KAZN: variants seen among roughly 807,000 people sequenced by gnomAD.
KAZN encodes kazrin, periplakin interacting protein.
In KAZN, 40 loss-of-function variants were observed where a neutral mutation model predicts 87.4. That is an observed-to-expected ratio of 0.46 (90% CI 0.36 to 0.60). KAZN has a LOEUF of 0.60. Among genes scored for constraint, KAZN ranks in the 20% least tolerant of loss-of-function variants. The probability of loss-of-function intolerance (pLI) is 0.00; values close to 1 mark genes in which losing one functional copy is unlikely to be tolerated. For synonymous variants in KAZN, 466 were observed against 458.3 expected, an observed-to-expected ratio of 1.02 and a Z score of -0.22; for missense variants, 898 against 1,073.9, an observed-to-expected ratio of 0.84 and a Z score of 2.29.
intron 2 of KAZN, among the ~76,000 whole-genome samples, chr1:14,991,503 C>T (rs1404167301): frequency 7.2e-5 from 11 of 152,204 alleles, no homozygotes; most frequent in Non-Finnish European, 1.5e-5. Flanking sequence ...TCTTCCGTGT[C>T]CTTCCTAGGA....
intron 1 of KAZN, among the ~76,000 whole-genome samples, chr1:14,634,695 C>T (rs2148664748): frequency 6.6e-6 from 1 of 152,218 alleles, no homozygotes; most frequent in East Asian, 1.9e-4. Context: ...CTTCTGAGAG[C>T]TCATGGTAGG....
intron 1 of KAZN, among the ~76,000 whole-genome samples, chr1:14,658,254 T>G (rs1165560742): frequency 6.6e-6 from 1 of 152,192 alleles, no homozygotes; most frequent in African/African-American, 2.4e-5. Context: ...TTTTTCAAAT[T>G]CTCAGTGCCT....
At chr1:14,834,219 A>G (rs939109339) in intron 1 of KAZN, among the ~76,000 whole-genome samples, 1 of 151,930 alleles carries the variant, frequency 6.6e-6, no homozygotes, top group Non-Finnish European at 1.5e-5. Context: ...TATTTTTAGT[A>G]GAGATGGGGT....
chr1:14,564,523 A>G (rs1456866609), intron 2 of KAZN, among the ~76,000 whole-genome samples: 1 of 152,100 alleles, frequency 6.6e-6, no homozygotes, highest in Non-Finnish European at 1.5e-5. Flanking sequence ...GTTAAATGCC[A>G]TAAAAGCCAC....
At chr1:14,296,065 G>C (rs1571243970) in intron 2 of KAZN, among the ~76,000 whole-genome samples, 1 of 152,242 alleles carries the variant, frequency 6.6e-6, no homozygotes, top group South Asian at 2.1e-4. Flanking sequence ...GTTGCCATAA[G>C]GATTAAATGA....
chr1:14,492,505 A>G, intron 2 of KAZN, among the ~76,000 whole-genome samples: 1 of 151,230 alleles, frequency 6.6e-6, no homozygotes, highest in Admixed American at 6.6e-5. Context: ...CTTCTGTTCT[A>G]CAGAGGTGGG....
At chr1:13,940,433 C>G (rs1032260479) in intron 1 of KAZN, among the ~76,000 whole-genome samples, 9 of 152,108 alleles carry the variant, frequency 5.9e-5, no homozygotes, top group Admixed American at 2.0e-4. Context: ...CATAGAGATG[C>G]TCATAGTAGT....
At chr1:14,679,403 T>A (rs982492832) in intron 1 of KAZN, among the ~76,000 whole-genome samples, 2 of 152,050 alleles carry the variant, frequency 1.3e-5, no homozygotes, top group Admixed American at 1.3e-4. Context: ...TTTTGTTGAA[T>A]GCCTGGCCCT....
intron 1 of KAZN, among the ~76,000 whole-genome samples, chr1:14,833,487 T>C (rs983280889): frequency 6.6e-6 from 1 of 152,082 alleles, no homozygotes; most frequent in Admixed American, 6.5e-5. Context: ...ACCACAAGGG[T>C]TCAATCCTGC....
Position 14,692,145 on chromosome 1 carries a change from G to A in KAZN, c.226+92922G>A, listed in dbSNP as rs568236407. 2.3e-4 allele frequency: 78 copies of A among 332,290 alleles called. No homozygotes were observed. The Admixed American group carries it at 2.4e-3, about 10-fold the overall frequency. 20.6% of individuals were successfully genotyped at this position (332,290 alleles called of 1,614,324 possible). A position where few individuals can be genotyped will look rare whatever the true frequency, so the allele number is the denominator to read the frequency against. ...AAAGTTTCAGGCTTCTAGCTTCACCGAATCTAGTACTAAATGTGCTTCTTT... is the reference window on the plus strand; with the variant it reads ...AAAGTTTCAGGCTTCTAGCTTCACCAAATCTAGTACTAAATGTGCTTCTTT... On this transcript the variant is annotated intron_variant, in intron 1 of 14. Transcript: ENST00000376030.
At chr1:14,196,331 C>T (rs980254915) in intron 2 of KAZN, among the ~76,000 whole-genome samples, 1 of 152,112 alleles carries the variant, frequency 6.6e-6, no homozygotes, top group Non-Finnish European at 1.5e-5. Context: ...AAAGAGTAAC[C>T]TGTACAATAG....
intron 1 of KAZN, among the ~76,000 whole-genome samples, chr1:14,657,268 AGACGG>A (rs1638862280): frequency 1.3e-5 from 2 of 152,094 alleles, no homozygotes; most frequent in South Asian, 2.1e-4. Context: ...TTTTTAGTAG[AGACGG>A]GGTTTCTCCA....
At chr1:15,057,870 C>CTGGTCA (rs770010353) in intron 5 of KAZN, among the ~76,000 whole-genome samples, 1 of 152,212 alleles carries the variant, frequency 6.6e-6, no homozygotes, top group Non-Finnish European at 1.5e-5. Context: ...CAGCAGACTC[C>CTGGTCA]TGGTCATCCT....
At chr1:14,193,157 C>T (rs1167057266) in intron 2 of KAZN, among the ~76,000 whole-genome samples, 1 of 152,154 alleles carries the variant, frequency 6.6e-6, no homozygotes, top group African/African-American at 2.4e-5. Flanking sequence ...CTTGCTTCCG[C>T]TTCACCTTCC....
chr1:14,870,385 C>T (rs974827922), intron 1 of KAZN, among the ~76,000 whole-genome samples: 1 of 152,190 alleles, frequency 6.6e-6, no homozygotes, highest in South Asian at 2.1e-4. Flanking sequence ...CTCTGTCGCC[C>T]AGGCTGGAGT....
At chr1:15,037,979 C>T (rs759128106) in intron 3 of KAZN, among the ~76,000 whole-genome samples, 2 of 151,874 alleles carry the variant, frequency 1.3e-5, no homozygotes, top group South Asian at 2.1e-4. Flanking sequence ...CAGCCAGTTA[C>T]GGTGGCTCAC....
chr1:14,577,961 A>G (rs1264373787), intron 2 of KAZN, among the ~76,000 whole-genome samples: 6 of 152,038 alleles, frequency 3.9e-5, no homozygotes, highest in Non-Finnish European at 2.9e-5. Flanking sequence ...CTGTGTTCAA[A>G]CTTCCCCTCT....
rs146262680 is a variant in KAZN, at chr1:14,337,110, A to G, written c.249+156518A>G. Among the ~76,000 whole-genome samples the G allele has an allele frequency of 4.9e-3, 749 of 152,362 alleles. 7 individuals are homozygous for G. Among genetic ancestry groups the G allele is most frequent in the African/African-American group, 0.016 (683 of 41,582 alleles). ...TAGCAGCTTCACTGGTTGTTAGACA[A>G]TTTAAATGAGATGACGCATATGAAG... On this transcript the variant is annotated intron_variant, in intron 2 of 16. Transcript: ENST00000636203.
chr1:14,439,966 A>AC (rs1488952522), intron 2 of KAZN, among the ~76,000 whole-genome samples: 3 of 150,862 alleles, frequency 2.0e-5, no homozygotes, highest in African/African-American at 7.3e-5. Context: ...ACCACGTCCC[A>AC]CCCCCATCTA....
Sources: gnomAD v4.1 joint callset for allele counts (sites outside exome capture counted in the v4.1 genomes callset) on GRCh38, gnomAD v4.1.1 for gene constraint, MANE v1.5 for transcripts, NCBI Gene and HGNC (gene_info 2026-07-23, HGNC 2026-07-21) for gene names.